REM1: variants seen among roughly 807,000 people sequenced by gnomAD.
REM1 encodes the protein RRAD and GEM like GTPase 1.
Under a neutral mutation model 27.0 loss-of-function variants are expected in REM1, and 20 were observed. That is an observed-to-expected ratio of 0.74 (90% CI 0.52 to 1.08). REM1 has a LOEUF of 1.08. REM1 is among the 50% of genes least tolerant of loss of function. The pLI is 0.00. For synonymous variants in REM1, 159 were observed against 167.9 expected, an observed-to-expected ratio of 0.95 and a Z score of 0.41; for missense variants, 405 against 407.0, an observed-to-expected ratio of 1.00 and a Z score of 0.04.
rs1600582127 is a variant in REM1 at position 31,484,102 on chromosome 20, T to G, written c.626-57T>G. 9 of 1,492,398 alleles carry G rather than the reference T, an allele frequency of 6.0e-6. No homozygotes were observed. In the South Asian group the frequency reaches 9.6e-5, roughly 16 times the overall value. 92.4% of individuals were successfully genotyped at this position (1,492,398 alleles called of 1,614,324 possible). On this transcript the variant is annotated intron_variant, in intron 4 of 4. Coordinates refer to ENST00000201979, the MANE Select transcript of REM1 (RefSeq NM_014012.6). ...GAGACTAAACACATCTCTTCCTACC[T>G]TTTTCTCCGCCTTCCGTTATGGCTC...
At position 31,475,729 on chromosome 20, in the gene REM1, G is replaced by A. The variant is rs1697134644; in HGVS notation, c.-220+363G>A. Among the ~76,000 whole-genome samples, 1 of 152,210 alleles carries A rather than the reference G, an allele frequency of 6.6e-6. No homozygotes were observed. Among genetic ancestry groups the A allele is most frequent in the Non-Finnish European group, 1.5e-5 (1 of 68,038 alleles). ...CTCCCGTCCCCAAAAGCAGTTGGAG[G>A]CCGTAGCGCCAGCCGCTCCTGAATT... On this transcript the variant is annotated intron_variant, in intron 1 of 4. Coordinates refer to ENST00000201979, the MANE Select transcript of REM1 (RefSeq NM_014012.6). This position sits in a 1 kb window ranked among gnomAD's most constrained non-coding sequence, Gnocchi z 5.0.
chr20:31,482,833 T>C (rs1212159502), intron 4 of REM1, among the ~76,000 whole-genome samples: 1 of 152,210 alleles, frequency 6.6e-6, no homozygotes, highest in Non-Finnish European at 1.5e-5. Flanking sequence ...TTTGCACTTC[T>C]TAAAAATTCC....
At position 31,481,596 on chromosome 20, in the gene REM1, C is replaced by T. The variant is rs189480158; in HGVS notation, c.424-691C>T. ...CCATGAGCTTTTGGAGGGCAGAAAC[C>T]GTGTCTTACTCAACACTTATAAGGT... On this transcript the variant is annotated intron_variant, in intron 3 of 4. Coordinates refer to ENST00000201979, the MANE Select transcript of REM1 (RefSeq NM_014012.6). Among the ~76,000 whole-genome samples the T allele has an allele frequency of 3.7e-4, 57 of 152,228 alleles. 3 individuals are homozygous for T. In the South Asian group the frequency reaches 7.5e-3, roughly 20 times the overall value.
Position 31,476,766 on chromosome 20 carries a change from C to T in REM1, c.321C>T (p.Asp107=), listed in dbSNP as rs1300506617. Residue 107 remains aspartate (D), a synonymous_variant, in exon 2 of 5, where the codon GAC becomes GAT. Coordinates refer to ENST00000201979, the MANE Select transcript of REM1 (RefSeq NM_014012.6). ...ASLFAGKQER[D]LHEQLGEDVY... is the part of the protein sequence containing the mutation. The stretch of plus-strand genomic sequence containing the variant: ...TCTTTGCAGGGAAGCAAGAGAGGGA[C>T]CTCCATGAACAGCTGGGAGGTAGGG... 6.2e-7 allele frequency: 1 copy of T among 1,610,702 alleles called. No homozygotes were observed. The highest frequency in any genetic ancestry group is 8.5e-7 in the Non-Finnish European group (1 of 1,178,388).
intron 3 of REM1, among the ~76,000 whole-genome samples, chr20:31,479,082 G>A (rs1478008733): frequency 3.9e-5 from 6 of 152,068 alleles, no homozygotes; most frequent in Admixed American, 6.6e-5. Flanking sequence ...TGATCCACCC[G>A]CCTCGGCCTT....
chr20:31,479,008 T>C (rs565953283), intron 3 of REM1, among the ~76,000 whole-genome samples: 3 of 152,242 alleles, frequency 2.0e-5, no homozygotes, highest in East Asian at 3.9e-4. Flanking sequence ...CTAATTTTTG[T>C]ATTTTTAGTA....
intron 3 of REM1, 60 bp from the exon 4 acceptor site, chr20:31,482,227 C>A: frequency 6.4e-7 from 1 of 1,551,348 alleles, no homozygotes; most frequent in African/African-American, 1.4e-5. Flanking sequence ...CCCAGCTCCA[C>A]CTTCCTCAGC....
rs1018848747 is a variant in REM1 at position 31,484,277 on chromosome 20, G to T, written c.744G>T (p.Arg248=). ...TGCGCCAACTGCGCTTGCGCCGCCGGGACAGTGCGGCCAAGGAACCCCCAG... is the reference window on the plus strand; with the variant it reads ...TGCGCCAACTGCGCTTGCGCCGCCGTGACAGTGCGGCCAAGGAACCCCCAG... The part of the protein sequence containing the change: ...GVVRQLRLRR[R]DSAAKEPPAP... The change falls in exon 5 of 5, where the codon CGG becomes CGT. Residue 248 remains arginine, a synonymous_variant. Transcript: ENST00000201979. 13 of 1,593,406 alleles carry T rather than the reference G, an allele frequency of 8.2e-6. No individual in the cohort carries two copies. Among genetic ancestry groups the T allele is most frequent in the African/African-American group, 1.3e-5 (1 of 74,850 alleles).
Position 31,484,297 on chromosome 20 carries a change from C to T in REM1, c.764C>T (p.Pro255Leu), listed in dbSNP as rs759685552. The change falls in exon 5 of 5, where the codon CCC (proline) becomes CTC (leucine). Residue 255 changes from proline to leucine, a missense_variant. Coordinates refer to ENST00000201979, the MANE Select transcript of REM1 (RefSeq NM_014012.6). Reference sequence around the variant, plus strand: ...CGCCGGGACAGTGCGGCCAAGGAACCCCCAGCACCCCGACGGCCGGCCAGC... The same window carrying T: ...CGCCGGGACAGTGCGGCCAAGGAACTCCCAGCACCCCGACGGCCGGCCAGC... ...LRRRDSAAKE[P>L]PAPRRPASLA... is the part of the protein sequence containing the mutation. 8 of 1,585,402 alleles carry T rather than the reference C, an allele frequency of 5.0e-6. No individual in the cohort carries two copies. The African/African-American group carries it at 9.4e-5, about 19-fold the overall frequency.
chr20:31,477,157 C>T (rs1412717068), intron 2 of REM1, among the ~76,000 whole-genome samples: 1 of 152,100 alleles, frequency 6.6e-6, no homozygotes. Flanking sequence ...TTAGATTCTC[C>T]CAGTCCCATA....
At chr20:31,482,566 G>C in intron 4 of REM1, 78 bp downstream of exon 4, 2 of 1,410,638 alleles carry the variant, frequency 1.4e-6, no homozygotes, top group Middle Eastern at 2.4e-4. Flanking sequence ...CTTCATCTCA[G>C]TGACTGTCCC....
intron 3 of REM1, among the ~76,000 whole-genome samples, chr20:31,478,769 T>C (rs1463871494): frequency 1.3e-5 from 2 of 151,514 alleles, no homozygotes; most frequent in African/African-American, 2.4e-5. Context: ...TAATAATGTG[T>C]CCAAAGCTCT....
rs150568536 is a variant in REM1, at chr20:31,478,979, C to T, written c.423+1069C>T. On this transcript the variant is annotated intron_variant, in intron 3 of 4. Coordinates refer to ENST00000201979, the MANE Select transcript of REM1 (RefSeq NM_014012.6). The stretch of plus-strand genomic sequence containing the variant: ...CCTCCCAAGTAGCTAGGATTACAGG[C>T]ACCTGTCACCATGCCCAGCTAATTT... 5.5e-3 allele frequency among the ~76,000 whole-genome samples: 838 copies of T among 152,202 alleles called. 6 individuals are homozygous for T. The highest frequency in any genetic ancestry group is 7.3e-3 in the Non-Finnish European group (497 of 68,006).
intron 3 of REM1, among the ~76,000 whole-genome samples, chr20:31,481,681 T>C (rs1055092741): frequency 2.6e-5 from 4 of 152,166 alleles, no homozygotes; most frequent in African/African-American, 9.7e-5. Flanking sequence ...CCATCCAAAA[T>C]ATCAAAAGCA....
intron 3 of REM1, among the ~76,000 whole-genome samples, chr20:31,478,843 T>TC (rs2122473041): frequency 6.6e-6 from 1 of 151,946 alleles, no homozygotes; most frequent in African/African-American, 2.4e-5. Context: ...TCTTTTTTTT[T>TC]TTTTTTTTTA....
chr20:31,483,124 A>AC (rs1980791525), intron 4 of REM1, among the ~76,000 whole-genome samples: 1 of 152,102 alleles, frequency 6.6e-6, no homozygotes, highest in Admixed American at 6.6e-5. Flanking sequence ...ACATGGTGAA[A>AC]CCCCATCTCT....
At chr20:31,479,818 G>A (rs747716788) in intron 3 of REM1, among the ~76,000 whole-genome samples, 1 of 152,172 alleles carries the variant, frequency 6.6e-6, no homozygotes, top group African/African-American at 2.4e-5. Context: ...GGCTGGGCGC[G>A]TTGGCTCATG....
At position 31,476,635 on chromosome 20, in the gene REM1, G is replaced by A. The variant is rs766965830; in HGVS notation, c.190G>A (p.Asp64Asn). 1.9e-6 allele frequency: 3 copies of A among 1,614,132 alleles called. No individual in the cohort carries two copies. Among genetic ancestry groups the A allele is most frequent in the Non-Finnish European group, 2.5e-6 (3 of 1,180,026 alleles). ...CACCCAGAAACCTTCACCTGCCCCA[G>A]ATGATTGGTCTTCTGAATCCAGCGA... Reference protein sequence around the residue: ...PPTQKPSPAPDDWSSESSDSE... With the variant: ...PPTQKPSPAPNDWSSESSDSE... Residue 64 changes from aspartate (D) to asparagine (N), a missense_variant, in exon 2 of 5, where the codon GAT becomes AAT. By Grantham distance (23) the Asp-to-Asn change is conservative. Transcript: ENST00000201979.
At chr20:31,478,625 A>G (rs1980609625) in intron 3 of REM1, among the ~76,000 whole-genome samples, 1 of 152,182 alleles carries the variant, frequency 6.6e-6, no homozygotes, top group South Asian at 2.1e-4. Context: ...AAAACACCTA[A>G]GCAAAGAGAA....
Sources: gnomAD v4.1 joint callset for allele counts (sites outside exome capture counted in the v4.1 genomes callset) on GRCh38, gnomAD v4.1.1 for gene constraint, Gnocchi (gnomAD v3.1) non-coding constraint, MANE v1.5 for transcripts, NCBI Gene and HGNC (gene_info 2026-07-23, HGNC 2026-07-21) for gene names.